CACNA1G: variants seen among roughly 807,000 people sequenced by gnomAD.
The protein encoded by CACNA1G is voltage-dependent T-type calcium channel subunit alpha-1G.
Under a neutral mutation model 219.4 loss-of-function variants are expected in CACNA1G, and 67 were observed. The ratio of observed to expected loss-of-function variants is 0.31; its 90% CI spans 0.25 to 0.37. The LOEUF is 0.37. CACNA1G is among the 10% of genes least tolerant of loss of function. The pLI, the probability that CACNA1G is intolerant of heterozygous loss-of-function variation, is 1.00. For missense variants in CACNA1G, 2,380 were observed against 3,231.4 expected (o/e 0.74, Z 6.39); for synonymous variants, 1,296 against 1,345.3 (o/e 0.96, Z 0.80).
At position 50,599,493 on chromosome 17, in the gene CACNA1G, C is replaced by T. The variant is rs745646793; in HGVS notation, c.3324C>T (p.Ser1108=). The T allele has an allele frequency of 4.4e-6, 7 of 1,598,408 alleles. No homozygotes were observed. Among genetic ancestry groups the T allele is most frequent in the South Asian group, 1.1e-5 (1 of 88,680 alleles). Residue 1108 remains serine, a synonymous_variant, in exon 17 of 38, where the codon TCC becomes TCT. Coordinates refer to ENST00000359106, the MANE Select transcript of CACNA1G (RefSeq NM_018896.5). ...SAASSWTSRR[S]SRNSLGRAPS... ...CAAGCAGCTGGACCAGCAGGCGCTC[C>T]AGCCGGAACAGCCTCGGCCGTGCAC...
chr17:50,607,083 G>A, intron 24 of CACNA1G, 94 bp downstream of exon 24: 1 of 975,100 alleles, frequency 1.0e-6, no homozygotes, highest in Non-Finnish European at 1.6e-6. Context: ...GTGGCAAAAT[G>A]CCATGAAAGA....
intron 1 of CACNA1G, among the ~76,000 whole-genome samples, chr17:50,564,567 TGTGA>T (rs1320275128): frequency 1.4e-5 from 2 of 146,840 alleles, no homozygotes; most frequent in Non-Finnish European, 3.0e-5. Context: ...CAGAAGTGAG[TGTGA>T]GTGAGTGACT....
At position 50,626,519 on chromosome 17, in the gene CACNA1G, G is replaced by T; in HGVS notation, c.6902G>T (p.Arg2301Leu). The T allele has an allele frequency of 6.4e-7, 1 of 1,572,106 alleles. No homozygotes were observed. The highest frequency in any genetic ancestry group is 8.6e-7 in the Non-Finnish European group (1 of 1,161,102). ...GGQPLGGPGS[R>L]PKKKLSPPSI... is the part of the protein sequence containing the mutation. Reference sequence around the variant, plus strand: ...CAGCCTCTTGGGGGGCCTGGGAGCCGGCCCAAGAAAAAACTCAGCCCGCCT... The same window carrying T: ...CAGCCTCTTGGGGGGCCTGGGAGCCTGCCCAAGAAAAAACTCAGCCCGCCT... Residue 2301 changes from arginine (R) to leucine (L), a missense_variant, in exon 38 of 38, where the codon CGG becomes CTG. By Grantham distance (102) the Arg-to-Leu change is moderately radical. Transcript: ENST00000359106. This position sits in a 1 kb window ranked among gnomAD's most constrained non-coding sequence, Gnocchi z 4.3.
At chr17:50,594,922 C>A in intron 13 of CACNA1G, 71 bp from the exon 14 acceptor site, 1 of 1,174,496 alleles carries the variant, frequency 8.5e-7, no homozygotes, top group Non-Finnish European at 1.2e-6. Context: ...CCTCTCTCGA[C>A]ACTGCCGATA....
chr17:50,601,352 C>T (rs1037751580), intron 19 of CACNA1G, among the ~76,000 whole-genome samples, 178 bp downstream of exon 19: 24 of 152,232 alleles, frequency 1.6e-4, no homozygotes, highest in Admixed American at 1.4e-3. Context: ...CCCCTGTGTC[C>T]TCTCCTGCCT....
chr17:50,606,139 C>T (rs764628217), intron 23 of CACNA1G, 116 bp downstream of exon 23: 33 of 1,368,074 alleles, frequency 2.4e-5, no homozygotes, highest in Middle Eastern at 1.8e-4. Flanking sequence ...GAGATCAGCC[C>T]TTCACACCCT....
At chr17:50,567,824 G>A (rs934421892) in intron 1 of CACNA1G, among the ~76,000 whole-genome samples, 11 of 152,154 alleles carry the variant, frequency 7.2e-5, no homozygotes, top group African/African-American at 2.7e-4. Flanking sequence ...CCTGCTGATG[G>A]GCTGGAAATG....
Position 50,576,293 on chromosome 17 carries a change from T to C in CACNA1G, c.1891T>C (p.Ser631Pro). 1 of 1,580,302 alleles carries C rather than the reference T, an allele frequency of 6.3e-7. No individual in the cohort carries two copies. The highest frequency in any genetic ancestry group is 8.6e-7 in the Non-Finnish European group (1 of 1,163,616). Residue 631 changes from serine (S) to proline (P), a missense_variant, in exon 8 of 38, where the codon TCC becomes CCC. This residue lies in a region of CACNA1G where 434 missense variants were observed against 417.3 expected (regional missense o/e 1.04). Coordinates refer to ENST00000359106, the MANE Select transcript of CACNA1G (RefSeq NM_018896.5). ...CAACATCCCACCCGGGCCCTACAGC[T>C]CCATGCACAAGCTGCTGGAGACACA... ...SLNIPPGPYS[S>P]MHKLLETQST...
chr17:50,585,987 G>A (rs553749573), intron 9 of CACNA1G, among the ~76,000 whole-genome samples: 70 of 152,250 alleles, frequency 4.6e-4, no homozygotes, highest in African/African-American at 1.6e-3. Flanking sequence ...GTCGGGCTTG[G>A]GCAGAGCACG....
intron 9 of CACNA1G, among the ~76,000 whole-genome samples, chr17:50,582,525 A>G (rs1314345019): frequency 1.3e-5 from 2 of 152,144 alleles, no homozygotes; most frequent in Admixed American, 6.5e-5. Context: ...GTTGCATACA[A>G]GGTGCCTGCG....
chr17:50,584,486 C>T (rs1026524488), intron 9 of CACNA1G, among the ~76,000 whole-genome samples: 30 of 151,824 alleles, frequency 2.0e-4, no homozygotes, highest in Non-Finnish European at 3.8e-4. Flanking sequence ...GAGTTCAGAA[C>T]TGAATGAGTC....
intron 28 of CACNA1G, 128 bp downstream of exon 28, chr17:50,616,512 G>A (rs1033154508): frequency 5.0e-5 from 29 of 577,818 alleles, no homozygotes; most frequent in Non-Finnish European, 8.6e-5. Flanking sequence ...CCCCCACCCT[G>A]TGGCTGACGT....
At chr17:50,577,106 C>T (rs936874040) in intron 8 of CACNA1G, among the ~76,000 whole-genome samples, 1 of 152,220 alleles carries the variant, frequency 6.6e-6, no homozygotes, top group East Asian at 1.9e-4. Flanking sequence ...AAGGTGCTAT[C>T]ACAGAACCCA....
chr17:50,615,249 T>C lies in CACNA1G; in HGVS notation c.4760-112T>C, dbSNP rs1179581620. On this transcript the variant is annotated intron_variant, in intron 26 of 37. Coordinates refer to ENST00000359106, the MANE Select transcript of CACNA1G (RefSeq NM_018896.5). ...GGGAGGGCGAGGATGGTGATGATTA[T>C]GGAATGTTTCAGTTCTGGCGTTAGA... is the stretch of plus-strand genomic sequence containing the variant. 2.4e-5 allele frequency: 26 copies of C among 1,069,276 alleles called. No individual in the cohort carries two copies. The East Asian group carries it at 6.6e-4, about 27-fold the overall frequency. The allele number at this position is 1,069,276 out of a possible 1,614,324, so 66.2% of individuals were successfully genotyped here.
In CACNA1G at chr17:50,617,324, C is replaced by A; in HGVS notation, c.5022-114C>A. On this transcript the variant is annotated intron_variant, in intron 28 of 37. Coordinates refer to ENST00000359106, the MANE Select transcript of CACNA1G (RefSeq NM_018896.5). This position sits in a 1 kb window ranked among gnomAD's most constrained non-coding sequence, Gnocchi z 5.8. ...CGCCTCTTCTCTGTGGGATGGGAGG[C>A]TGGACCCGCTGATGTCTGCCCTCCT... 2 of 1,195,528 alleles carry A rather than the reference C, an allele frequency of 1.7e-6. No individual in the cohort carries two copies. The highest frequency in any genetic ancestry group is 2.3e-6 in the Non-Finnish European group (2 of 861,120). 74.1% of individuals were successfully genotyped at this position (1,195,528 alleles called of 1,614,324 possible).
In CACNA1G at chr17:50,603,243, C is replaced by T. The variant is rs1215456294; in HGVS notation, c.4169+44C>T. 5 of 1,535,844 alleles carry T rather than the reference C, an allele frequency of 3.3e-6. No homozygotes were observed. Among genetic ancestry groups the T allele is most frequent in the Non-Finnish European group, 4.4e-6 (5 of 1,133,958 alleles). ...CTGGAACACCTCCAAGAGGTGGCCC[C>T]CTCCGCAGGGACATCTCCCACCGCC... On this transcript the variant is annotated intron_variant, in intron 21 of 37. Transcript: ENST00000359106. The surrounding 1 kb of genome is among the most constrained non-coding windows in gnomAD (Gnocchi z 6.4).
chr17:50,573,478 A>G (rs2039912710), intron 7 of CACNA1G: 1 of 194,806 alleles, frequency 5.1e-6, no homozygotes, highest in Non-Finnish European at 1.1e-5. Flanking sequence ...ATTTTTTTTA[A>G]TAGCTTTATT....
At position 50,624,016 on chromosome 17, in the gene CACNA1G, G is replaced by C. The variant is rs764959766; in HGVS notation, c.6170G>C (p.Gly2057Ala). Residue 2057 changes from glycine (G) to alanine (A), a missense_variant, in exon 36 of 38, where the codon GGG (glycine) becomes GCG (alanine). Gly to Ala is a moderately conservative substitution (Grantham distance 60, BLOSUM62 0). Transcript: ENST00000359106. ...AATGACAGCTACATGTGTCGGCATG[G>C]GAGCACTGCCGAGGGGCCCCTGGGA... The part of the protein sequence containing the change: ...LPNDSYMCRH[G>A]STAEGPLGHR... The C allele has an allele frequency of 1.3e-5, 21 of 1,613,104 alleles. No homozygotes were observed. The Admixed American group carries it at 1.7e-4, about 13-fold the overall frequency.
At chr17:50,561,991 G>C in intron 1 of CACNA1G, 1 of 371,968 alleles carries the variant, frequency 2.7e-6, no homozygotes, top group Non-Finnish European at 4.8e-6. Context: ...TGCCCCGCTG[G>C]CTCGCAGCTG....
Sources: allele counts gnomAD v4.1 joint callset (sites outside exome capture counted in the v4.1 genomes callset), GRCh38; gene constraint gnomAD v4.1.1; regional missense constraint gnomAD v4.1.1; non-coding constraint Gnocchi (gnomAD v3.1); transcripts MANE v1.5; gene names NCBI Gene and HGNC (gene_info 2026-07-23, HGNC 2026-07-21).